STAT1: variants seen among roughly 807,000 people sequenced by gnomAD.
STAT1 encodes signal transducer and activator of transcription 1.
Under a neutral mutation model 111.7 loss-of-function variants are expected in STAT1, and 24 were observed. The observed-to-expected ratio is 0.21, with a 90% CI of 0.16 to 0.30. STAT1 has a LOEUF of 0.30. STAT1 is among the 10% of genes least tolerant of loss of function. STAT1 has a pLI of 1.00. For synonymous variants in STAT1, 332 were observed against 326.5 expected (o/e 1.02, Z -0.18); for missense variants, 351 against 911.9 (o/e 0.38, Z 7.92).
At chr2:191,010,390 T>C (rs1372817347) in intron 2 of STAT1, 1 of 471,338 alleles carries the variant, frequency 2.1e-6, no homozygotes, top group South Asian at 1.5e-5. Flanking sequence ...TTCATTATTG[T>C]CTGTTTTCAC....
At chr2:191,013,208 C>T (rs551095871) in intron 2 of STAT1, among the ~76,000 whole-genome samples, 121 of 152,246 alleles carry the variant, frequency 7.9e-4, no homozygotes, top group Non-Finnish European at 1.5e-3. Context: ...CCAGCATCCT[C>T]ATTAAGCAAT....
In STAT1 at chr2:190,989,447, G is replaced by T. The variant is rs959144374; in HGVS notation, c.1097+168C>A. 1.3e-5 allele frequency among the ~76,000 whole-genome samples: 2 copies of T among 152,202 alleles called. No individual in the cohort carries two copies. The highest frequency in any genetic ancestry group is 4.8e-5 in the African/African-American group (2 of 41,456). On this transcript the variant is annotated intron_variant, in intron 12 of 24. Transcript: ENST00000361099. The surrounding 1 kb of genome is among the most constrained non-coding windows in gnomAD (Gnocchi z 5.0). ...GAAGTCTCTGCTCATGCGCAGCATT[G>T]TCAGGACTCTGGGTTCAGCCCTGGG...
rs1223715817 is a variant in STAT1, at chr2:190,997,735, A to G, written c.785+121T>C. ...TTCCAGGGTAAGCAGAAGCTGGACTATGTCAAACTCTATACTAATGTTTTG... is the reference window on the plus strand; with the variant it reads ...TTCCAGGGTAAGCAGAAGCTGGACTGTGTCAAACTCTATACTAATGTTTTG... On this transcript the variant is annotated intron_variant, in intron 9 of 24. Coordinates refer to ENST00000361099, the MANE Select transcript of STAT1 (RefSeq NM_007315.4). The surrounding 1 kb of genome is among the most constrained non-coding windows in gnomAD (Gnocchi z 7.3). The G allele has an allele frequency of 2.1e-6, 3 of 1,443,084 alleles. No individual in the cohort carries two copies. The highest frequency in any genetic ancestry group is 1.9e-6 in the Non-Finnish European group (2 of 1,042,522). 89.4% of individuals were successfully genotyped at this position (1,443,084 alleles called of 1,614,324 possible).
At position 190,969,617 on chromosome 2, in the gene STAT1, T is replaced by G. The variant is rs1691300895; in HGVS notation, c.*1086A>C. The stretch of plus-strand genomic sequence containing the variant: ...GAGAGAATGGAACCATTCGCAAATG[T>G]GAAAAACACATATATCAGCGAAACA... On this transcript the variant is annotated 3_prime_UTR_variant, in exon 25 of 25. Coordinates refer to ENST00000361099, the MANE Select transcript of STAT1 (RefSeq NM_007315.4). 6.6e-6 allele frequency: 1 copy of G among 152,216 alleles called. No individual in the cohort carries two copies. The highest frequency in any genetic ancestry group is 1.5e-5 in the Non-Finnish European group (1 of 68,018). 9.4% of individuals were successfully genotyped at this position (152,216 alleles called of 1,614,324 possible). A position where few individuals can be genotyped will look rare whatever the true frequency, so the allele number is the denominator to read the frequency against.
At position 191,000,969 on chromosome 2, in the gene STAT1, T is replaced by C; in HGVS notation, c.462+105A>G. 2.0e-6 allele frequency: 2 copies of C among 993,058 alleles called. No homozygotes were observed. The highest frequency in any genetic ancestry group is 1.8e-5 in the Admixed American group (1 of 54,738). 61.5% of individuals were successfully genotyped at this position (993,058 alleles called of 1,614,324 possible). ...CTGCAAAATTTTTCTTCCCAACTAC[T>C]TAAAAGACTGAACTCAGTTACGAGG... On this transcript the variant is annotated intron_variant, in intron 6 of 24. Coordinates refer to ENST00000361099, the MANE Select transcript of STAT1 (RefSeq NM_007315.4). This position sits in a 1 kb window ranked among gnomAD's most constrained non-coding sequence, Gnocchi z 4.8.
In STAT1 at chr2:190,999,778, T is replaced by C. The variant is rs1694126899; in HGVS notation, c.463-74A>G. On this transcript the variant is annotated intron_variant, in intron 6 of 24. Transcript: ENST00000361099. This position sits in a 1 kb window ranked among gnomAD's most constrained non-coding sequence, Gnocchi z 4.1. ...AGACTTTAGGCAACAGAGTATTGCT[T>C]CTATGGAACCCAGAGAAACACGAAA... is the stretch of plus-strand genomic sequence containing the variant. 2 of 1,043,008 alleles carry C rather than the reference T, an allele frequency of 1.9e-6. No homozygotes were observed. The highest frequency in any genetic ancestry group is 3.0e-6 in the Non-Finnish European group (2 of 671,422). The allele number at this position is 1,043,008 out of a possible 1,614,324, so 64.6% of individuals were successfully genotyped here. A position where few individuals can be genotyped will look rare whatever the true frequency, so the allele number is the denominator to read the frequency against.
chr2:190,987,030 GT>G lies in STAT1; in HGVS notation c.1127+8del. 1 of 1,610,668 alleles carries G rather than the reference GT, an allele frequency of 6.2e-7. No homozygotes were observed. Among genetic ancestry groups the G allele is most frequent in the Non-Finnish European group, 8.5e-7 (1 of 1,177,242 alleles). Reference sequence around the variant, plus strand: ...TATAGCACAGTATAGCGTAAAGTACGTCACGTACCCTTTTACTGTATTTCTC... The same window carrying G: ...TATAGCACAGTATAGCGTAAAGTACGCACGTACCCTTTTACTGTATTTCTC... On this transcript the variant is annotated splice_region_variant and intron_variant, in intron 13 of 24. Coordinates refer to ENST00000361099, the MANE Select transcript of STAT1 (RefSeq NM_007315.4). This position sits in a 1 kb window ranked among gnomAD's most constrained non-coding sequence, Gnocchi z 4.0.
At chr2:190,988,906 G>C (rs1020125387) in intron 12 of STAT1, among the ~76,000 whole-genome samples, 2 of 151,934 alleles carry the variant, frequency 1.3e-5, no homozygotes, top group Non-Finnish European at 2.9e-5. Context: ...AAATATGGGA[G>C]GGGTGGGGGG....
In STAT1 at chr2:190,978,687, C is replaced by A; in HGVS notation, c.1873+169G>T. On this transcript the variant is annotated intron_variant, in intron 21 of 24. Coordinates refer to ENST00000361099, the MANE Select transcript of STAT1 (RefSeq NM_007315.4). The surrounding 1 kb of genome is among the most constrained non-coding windows in gnomAD (Gnocchi z 6.1). ...TGTTCCAGAGAGTGAACCACAACCA[C>A]AAACATTTGTGGTGGTTTATTAAAT... is the stretch of plus-strand genomic sequence containing the variant. 2.4e-6 allele frequency: 2 copies of A among 851,050 alleles called. No individual in the cohort carries two copies. Among genetic ancestry groups the A allele is most frequent in the Non-Finnish European group, 3.7e-6 (2 of 533,866 alleles). 52.7% of individuals were successfully genotyped at this position (851,050 alleles called of 1,614,324 possible).
At position 191,004,020 on chromosome 2, in the gene STAT1, G is replaced by A. The variant is rs1338997686; in HGVS notation, c.373-2857C>T. ...TCTACTGACTTGCTGGGAGATGCTT[G>A]GTGGAAAAACCTGGTGACTGTGGCA... On this transcript the variant is annotated intron_variant, in intron 5 of 24. Coordinates refer to ENST00000361099, the MANE Select transcript of STAT1 (RefSeq NM_007315.4). The surrounding 1 kb of genome is among the most constrained non-coding windows in gnomAD (Gnocchi z 5.0). Among the ~76,000 whole-genome samples the A allele has an allele frequency of 1.3e-5, 2 of 152,158 alleles. No individual in the cohort carries two copies. The highest frequency in any genetic ancestry group is 2.9e-5 in the Non-Finnish European group (2 of 68,028).
In STAT1 at chr2:190,997,609, C is replaced by A. The variant is rs41339847; in HGVS notation, c.785+247G>T. 3.3e-5 allele frequency among the ~76,000 whole-genome samples: 5 copies of A among 152,096 alleles called. No homozygotes were observed. Among genetic ancestry groups the A allele is most frequent in the African/African-American group, 1.2e-4 (5 of 41,394 alleles). ...ACGACCATGTCACTGATGTTTTGTA[C>A]AGTCAAACGACACCCCATGGTACAG... is the stretch of plus-strand genomic sequence containing the variant. On this transcript the variant is annotated intron_variant, in intron 9 of 24. Transcript: ENST00000361099. The surrounding 1 kb of genome is among the most constrained non-coding windows in gnomAD (Gnocchi z 7.3).
chr2:190,975,605 A>G lies in STAT1; in HGVS notation c.2135+207T>C. On this transcript the variant is annotated intron_variant, in intron 23 of 24. Transcript: ENST00000361099. The surrounding 1 kb of genome is among the most constrained non-coding windows in gnomAD (Gnocchi z 5.9). ...AGTTTTGGGAAAATTTATATACCTT[A>G]AATACAAATTTGGTTTTTGGCTTTT... The G allele has an allele frequency of 7.0e-7, 1 of 1,434,282 alleles. No individual in the cohort carries two copies. The highest frequency in any genetic ancestry group is 9.1e-7 in the Non-Finnish European group (1 of 1,097,678). The allele number at this position is 1,434,282 out of a possible 1,614,324, so 88.8% of individuals were successfully genotyped here.
intron 2 of STAT1, among the ~76,000 whole-genome samples, chr2:191,011,952 T>C (rs962406798): frequency 7.9e-5 from 12 of 151,812 alleles, no homozygotes; most frequent in African/African-American, 2.9e-4. Flanking sequence ...CCTCTCGTTA[T>C]GTTTCTGAGG....
chr2:190,993,707 CT>C lies in STAT1; in HGVS notation c.944+1353del, dbSNP rs1481111812. ...TAAATGTCTTCCCCGACTCTGCCCCCTGGAACGCAATCAGCAGCCGCTGCCA... is the reference window on the plus strand; with the variant it reads ...TAAATGTCTTCCCCGACTCTGCCCCCGGAACGCAATCAGCAGCCGCTGCCA... On this transcript the variant is annotated intron_variant, in intron 10 of 24. Coordinates refer to ENST00000361099, the MANE Select transcript of STAT1 (RefSeq NM_007315.4). This position sits in a 1 kb window ranked among gnomAD's most constrained non-coding sequence, Gnocchi z 4.1. 3.8e-5 allele frequency: 15 copies of C among 393,828 alleles called. No individual in the cohort carries two copies. The highest frequency in any genetic ancestry group is 8.3e-5 in the African/African-American group (4 of 48,392). The allele number at this position is 393,828 out of a possible 1,614,324, so 24.4% of individuals were successfully genotyped here. A position where few individuals can be genotyped will look rare whatever the true frequency, so the allele number is the denominator to read the frequency against.
rs41359252 is a variant in STAT1, at chr2:190,981,461, C to T, written c.1583-792G>A. Among the ~76,000 whole-genome samples the T allele has an allele frequency of 5.9e-5, 9 of 152,284 alleles. No individual in the cohort carries two copies. Among genetic ancestry groups the T allele is most frequent in the African/African-American group, 1.9e-4 (8 of 41,560 alleles). ...TTAAAGCAGCCTGGGCGAGAAGAGGCGGTAAGCCCATTATCGGTCTTCAAA... is the reference window on the plus strand; with the variant it reads ...TTAAAGCAGCCTGGGCGAGAAGAGGTGGTAAGCCCATTATCGGTCTTCAAA... On this transcript the variant is annotated intron_variant, in intron 18 of 24. Transcript: ENST00000361099. This position sits in a 1 kb window ranked among gnomAD's most constrained non-coding sequence, Gnocchi z 4.1.
intron 10 of STAT1, among the ~76,000 whole-genome samples, chr2:190,992,240 C>T (rs913314322): frequency 3.3e-5 from 5 of 152,140 alleles, no homozygotes; most frequent in African/African-American, 9.7e-5. Flanking sequence ...CTAAACTTTA[C>T]GCATGGAAAG....
rs1406137080 is a variant in STAT1 at position 190,986,572 on chromosome 2, G to C, written c.1221+282C>G. On this transcript the variant is annotated intron_variant, in intron 14 of 24. Transcript: ENST00000361099. The surrounding 1 kb of genome is among the most constrained non-coding windows in gnomAD (Gnocchi z 5.0). Reference sequence around the variant, plus strand: ...CTGCAAGCGTAGGTGAGTGACCGTGGGGATCATGCAGGCAGCAAGTGCAAA... The same window carrying C: ...CTGCAAGCGTAGGTGAGTGACCGTGCGGATCATGCAGGCAGCAAGTGCAAA... Among the ~76,000 whole-genome samples, 1 of 152,208 alleles carries C rather than the reference G, an allele frequency of 6.6e-6. No individual in the cohort carries two copies. The highest frequency in any genetic ancestry group is 6.5e-5 in the Admixed American group (1 of 15,292).
At chr2:191,010,536 A>T (rs1430096947) in intron 2 of STAT1, 1 of 268,622 alleles carries the variant, frequency 3.7e-6, no homozygotes. Context: ...TACATGAAAA[A>T]CATTATTTTA....
intron 10 of STAT1, 73 bp downstream of exon 10, chr2:190,994,988 T>C (rs1199749126): frequency 1.6e-6 from 2 of 1,285,854 alleles, no homozygotes; most frequent in Non-Finnish European, 2.2e-6. Flanking sequence ...TTGTAAATCA[T>C]CTGAATTAAC....
Sources: gnomAD v4.1 joint callset for allele counts (sites outside exome capture counted in the v4.1 genomes callset) on GRCh38, gnomAD v4.1.1 for gene constraint, Gnocchi (gnomAD v3.1) non-coding constraint, MANE v1.5 for transcripts, NCBI Gene and HGNC (gene_info 2026-07-23, HGNC 2026-07-21) for gene names.